ESR1: variants seen among roughly 807,000 people sequenced by gnomAD.
ESR1 encodes the protein estrogen receptor.
Under a neutral mutation model 52.7 loss-of-function variants are expected in ESR1, and 12 were observed. That is an observed-to-expected ratio of 0.23 (90% confidence interval 0.15 to 0.37). ESR1 has a LOEUF of 0.37. Among genes scored for constraint, ESR1 ranks in the 10% least tolerant of loss-of-function variants. The pLI, the probability that ESR1 is intolerant of heterozygous loss-of-function variation, is 1.00. For synonymous variants in ESR1, 305 were observed against 316.8 expected (o/e 0.96, Z 0.39); for missense variants, 584 against 779.7 (o/e 0.75, Z 2.99).
intron 2 of ESR1, among the ~76,000 whole-genome samples, chr6:151,769,757 A>G (rs757825674): frequency 1.3e-5 from 2 of 152,212 alleles, no homozygotes; most frequent in Non-Finnish European, 2.9e-5. Flanking sequence ...TTATGTTTCC[A>G]TTCCCATCAA....
intron 1 of ESR1, among the ~76,000 whole-genome samples, chr6:151,829,585 A>T (rs528862142): frequency 1.5e-4 from 23 of 152,240 alleles, no homozygotes; most frequent in Non-Finnish European, 2.6e-4. Flanking sequence ...TCTTTTATCC[A>T]TTTTATTTCT....
chr6:151,825,091 T>C (rs935024200), intron 1 of ESR1, among the ~76,000 whole-genome samples: 9 of 152,152 alleles, frequency 5.9e-5, no homozygotes, highest in African/African-American at 2.2e-4. Flanking sequence ...GAGAAATAAA[T>C]CTCTGAAATG....
At chr6:151,701,529 C>CA (rs57589542) in intron 1 of ESR1, among the ~76,000 whole-genome samples, 6,143 of 88,692 alleles carry the variant, frequency 0.069, 509 homozygotes, top group African/African-American at 0.2. Context: ...CACTACATCT[C>CA]AAAAAAAAAA....
At chr6:151,938,054 A>G (rs144890882) in intron 3 of ESR1, among the ~76,000 whole-genome samples, 2 of 152,340 alleles carry the variant, frequency 1.3e-5, no homozygotes, top group African/African-American at 4.8e-5. Context: ...GTTGAATTTA[A>G]AACCTCTTAG....
intron 6 of ESR1, among the ~76,000 whole-genome samples, chr6:152,087,189 A>G (rs1458846668): frequency 2.0e-5 from 3 of 152,184 alleles, no homozygotes; most frequent in African/African-American, 7.2e-5. Context: ...GGGGATGTCT[A>G]GGTGGTTCCA....
chr6:151,723,341 T>G (rs957997513), intron 2 of ESR1, among the ~76,000 whole-genome samples: 1 of 152,214 alleles, frequency 6.6e-6, no homozygotes, highest in Non-Finnish European at 1.5e-5. Flanking sequence ...GAAATTTAGT[T>G]TCCTCAGTCA....
chr6:152,084,934 A>G lies in ESR1; in HGVS notation c.1370-9451A>G, dbSNP rs534494119. Among the ~76,000 whole-genome samples, 5 of 152,336 alleles carry G rather than the reference A, an allele frequency of 3.3e-5. No homozygotes were observed. In the South Asian group the frequency reaches 1.0e-3, roughly 32 times the overall value. Reference sequence around the variant, plus strand: ...AGACTAAAGGTCTCCTATGAAAACCATTAACTTCACACTATAGCTGATAGG... The same window carrying G: ...AGACTAAAGGTCTCCTATGAAAACCGTTAACTTCACACTATAGCTGATAGG... On this transcript the variant is annotated intron_variant, in intron 6 of 7. Coordinates refer to ENST00000206249, the MANE Select transcript of ESR1 (RefSeq NM_000125.4).
At chr6:151,850,058 A>T (rs369401003) in intron 2 of ESR1, among the ~76,000 whole-genome samples, 19 of 48,186 alleles carry the variant, frequency 3.9e-4, no homozygotes, top group African/African-American at 9.6e-4. Flanking sequence ...ATATATATAT[A>T]ATTTTATATA....
At chr6:151,890,668 T>C (rs1794578419) in intron 3 of ESR1, among the ~76,000 whole-genome samples, 2 of 152,224 alleles carry the variant, frequency 1.3e-5, no homozygotes, top group South Asian at 4.1e-4. Context: ...GGTACTCCAA[T>C]GTTGGGTGCA....
chr6:151,981,633 G>A (rs2040001494), intron 4 of ESR1, among the ~76,000 whole-genome samples: 1 of 152,182 alleles, frequency 6.6e-6, no homozygotes, highest in Non-Finnish European at 1.5e-5. Context: ...AGAAATACGT[G>A]TAGGATGCCT....
chr6:151,753,319 ATTTTT>A, intron 2 of ESR1, among the ~76,000 whole-genome samples: 1 of 137,366 alleles, frequency 7.3e-6, no homozygotes. Flanking sequence ...ATTTGATTGC[ATTTTT>A]TTTTTTTTTT....
At chr6:151,920,921 AT>A (rs970832787) in intron 3 of ESR1, among the ~76,000 whole-genome samples, 12 of 147,736 alleles carry the variant, frequency 8.1e-5, no homozygotes, top group South Asian at 2.2e-4. Flanking sequence ...TGTGCAGCTC[AT>A]TTTTTTTTTA....
intron 3 of ESR1, among the ~76,000 whole-genome samples, chr6:151,897,662 C>T (rs563861480): frequency 2.2e-4 from 34 of 152,262 alleles, no homozygotes; most frequent in Middle Eastern, 3.4e-3. Context: ...TTAAGTGGAG[C>T]ATTTAGGCTA....
intron 1 of ESR1, among the ~76,000 whole-genome samples, chr6:151,838,371 G>C (rs1365780804): frequency 6.6e-6 from 1 of 152,192 alleles, no homozygotes; most frequent in Non-Finnish European, 1.5e-5. Flanking sequence ...CCTGTACCTA[G>C]GCCCATCTGC....
Position 152,093,683 on chromosome 6 carries a change from G to A in ESR1, c.1370-702G>A, listed in dbSNP as rs546637957. Among the ~76,000 whole-genome samples the A allele has an allele frequency of 1.3e-4, 20 of 152,206 alleles. No homozygotes were observed. In the East Asian group the frequency reaches 2.7e-3, roughly 21 times the overall value. On this transcript the variant is annotated intron_variant, in intron 6 of 7. Transcript: ENST00000206249. ...CGAGAGAGGAAAAACTTATGTGGCC[G>A]TAAAAAACAGCGGTTTTCAAGTGGC...
chr6:152,103,119 A>G lies in ESR1; in HGVS notation c.*4153A>G. 1 of 214,744 alleles carries G rather than the reference A, an allele frequency of 4.7e-6. No homozygotes were observed. The highest frequency in any genetic ancestry group is 9.4e-6 in the Non-Finnish European group (1 of 106,124). The allele number at this position is 214,744 out of a possible 1,614,324, so 13.3% of individuals were successfully genotyped here. Reference sequence around the variant, plus strand: ...TGCCCTTTTGCCGATGCATACTATTACTGATGTGACTCGGTTTTGTCGCAG... The same window carrying G: ...TGCCCTTTTGCCGATGCATACTATTGCTGATGTGACTCGGTTTTGTCGCAG... On this transcript the variant is annotated 3_prime_UTR_variant, in exon 8 of 8. Coordinates refer to ENST00000206249, the MANE Select transcript of ESR1 (RefSeq NM_000125.4).
At chr6:152,051,640 C>G (rs1562726708) in intron 5 of ESR1, among the ~76,000 whole-genome samples, 1 of 152,106 alleles carries the variant, frequency 6.6e-6, no homozygotes. Context: ...ACCCCCAAAA[C>G]TGCTTCTCCA....
chr6:151,925,840 T>C (rs1023342303), intron 3 of ESR1, among the ~76,000 whole-genome samples: 2 of 152,094 alleles, frequency 1.3e-5, no homozygotes, highest in African/African-American at 4.8e-5. Flanking sequence ...TTCTTCCATA[T>C]TGTGCTATTG....
intron 3 of ESR1, among the ~76,000 whole-genome samples, chr6:151,905,732 A>G (rs1247808180): frequency 6.6e-6 from 1 of 152,226 alleles, no homozygotes; most frequent in African/African-American, 2.4e-5. Flanking sequence ...GGAAAAATAT[A>G]GAAATATAAG....
Sources: allele counts gnomAD v4.1 joint callset (sites outside exome capture counted in the v4.1 genomes callset), GRCh38; gene constraint gnomAD v4.1.1; transcripts MANE v1.5; gene names NCBI Gene and HGNC (gene_info 2026-07-23, HGNC 2026-07-21).